Variants in ELAPOR2 observed in about 807,000 individuals in gnomAD.
ELAPOR2 encodes the protein endosome-lysosome associated apoptosis and autophagy regulator family member 2.
In ELAPOR2, 89 loss-of-function variants were observed where a neutral mutation model predicts 120.7. The ratio of observed to expected loss-of-function variants is 0.74; its 90% CI spans 0.62 to 0.88. ELAPOR2 has a LOEUF of 0.88. Ranked by LOEUF, ELAPOR2 falls within the 40% of genes least tolerant of loss-of-function variation. The probability of loss-of-function intolerance (pLI) is 0.00; values close to 1 mark genes in which losing one functional copy is unlikely to be tolerated. For missense variants in ELAPOR2, 1,134 were observed against 1,251.6 expected, an observed-to-expected ratio of 0.91 and a Z score of 1.42; for synonymous variants, 444 against 444.9, an observed-to-expected ratio of 1.00 and a Z score of 0.03.
intron 8 of ELAPOR2, among the ~76,000 whole-genome samples, chr7:86,928,461 A>C (rs1040810424): frequency 2.6e-5 from 4 of 151,978 alleles, no homozygotes; most frequent in African/African-American, 9.7e-5. Context: ...GTTATGTGTG[A>C]GCTACTGCAC....
chr7:86,985,276 G>A (rs1301415698), intron 1 of ELAPOR2, among the ~76,000 whole-genome samples: 1 of 152,164 alleles, frequency 6.6e-6, no homozygotes, highest in Admixed American at 6.5e-5. Context: ...AAGAGGAGCT[G>A]GTGCCATTCC....
At chr7:86,930,676 A>G (rs1342712570) in intron 8 of ELAPOR2, among the ~76,000 whole-genome samples, 3 of 151,936 alleles carry the variant, frequency 2.0e-5, no homozygotes, top group Admixed American at 6.6e-5. Flanking sequence ...CCTCCTTCGA[A>G]GAAGGCTCCC....
intron 10 of ELAPOR2, among the ~76,000 whole-genome samples, chr7:86,921,564 G>A (rs1789831489): frequency 6.6e-6 from 1 of 152,070 alleles, no homozygotes; most frequent in Non-Finnish European, 1.5e-5. Flanking sequence ...TCAGACTTCT[G>A]GCCTCTAGAA....
chr7:87,026,956 A>G (rs1183587579), intron 1 of ELAPOR2, among the ~76,000 whole-genome samples: 2 of 152,126 alleles, frequency 1.3e-5, no homozygotes, highest in East Asian at 3.9e-4. Context: ...TCGTACACCT[A>G]GATATACAAA....
intron 1 of ELAPOR2, among the ~76,000 whole-genome samples, chr7:87,002,466 T>C (rs1793348350): frequency 6.6e-6 from 1 of 152,150 alleles, no homozygotes; most frequent in Non-Finnish European, 1.5e-5. Flanking sequence ...TGGCTCCCTC[T>C]ATATGAGTGC....
intron 2 of ELAPOR2, among the ~76,000 whole-genome samples, chr7:86,954,480 A>G (rs944084084): frequency 1.3e-5 from 2 of 152,108 alleles, no homozygotes; most frequent in African/African-American, 4.8e-5. Context: ...TTTATTACTA[A>G]AATATGTTTT....
At chr7:87,023,278 C>A (rs1458476655) in intron 1 of ELAPOR2, among the ~76,000 whole-genome samples, 1 of 152,220 alleles carries the variant, frequency 6.6e-6, no homozygotes, top group African/African-American at 2.4e-5. Flanking sequence ...CAGCTTTCTA[C>A]ATATGGCTAG....
chr7:86,905,720 A>T (rs1436061504), intron 18 of ELAPOR2, among the ~76,000 whole-genome samples: 2 of 152,168 alleles, frequency 1.3e-5, no homozygotes, highest in African/African-American at 4.8e-5. Context: ...TGTGGTTTTT[A>T]AAAATGTTCC....
intron 1 of ELAPOR2, among the ~76,000 whole-genome samples, chr7:86,993,019 C>A (rs748641531): frequency 6.6e-6 from 1 of 151,876 alleles, no homozygotes; most frequent in Admixed American, 6.6e-5. Context: ...GGGTGGATCA[C>A]GAGGTCAAGA....
intron 1 of ELAPOR2, among the ~76,000 whole-genome samples, chr7:87,011,548 T>C (rs1793680431): frequency 6.6e-6 from 1 of 152,240 alleles, no homozygotes; most frequent in Admixed American, 6.5e-5. Flanking sequence ...CAGTACAATT[T>C]TTCCGTTTCA....
At chr7:87,026,251 T>C (rs1365763827) in intron 1 of ELAPOR2, among the ~76,000 whole-genome samples, 1 of 152,096 alleles carries the variant, frequency 6.6e-6, no homozygotes, top group Non-Finnish European at 1.5e-5. Context: ...AGCCTGGACA[T>C]AAACCTATCA....
At chr7:87,008,580 A>C (rs1188579875) in intron 1 of ELAPOR2, among the ~76,000 whole-genome samples, 1 of 152,224 alleles carries the variant, frequency 6.6e-6, no homozygotes, top group African/African-American at 2.4e-5. Flanking sequence ...ACTTATTTAG[A>C]GACAAGGTTT....
Position 86,926,904 on chromosome 7 carries a change from A to G in ELAPOR2, c.1102T>C (p.Tyr368His), listed in dbSNP as rs997340391. The G allele has an allele frequency of 2.8e-6, 4 of 1,429,354 alleles. No individual in the cohort carries two copies. The highest frequency in any genetic ancestry group is 2.5e-5 in the Admixed American group (1 of 40,520). 88.5% of individuals were successfully genotyped at this position (1,429,354 alleles called of 1,614,324 possible). The change falls in exon 9 of 22, where the codon TAC (tyrosine) becomes CAC (histidine). Residue 368 changes from tyrosine to histidine, a missense_variant. By Grantham distance (83) the Tyr-to-His change is moderately conservative (BLOSUM62 2). Around this residue, in one of 3 missense-constraint regions of ELAPOR2, gnomAD observed 831 missense variants for 867.6 expected, o/e 0.96. Transcript: ENST00000450689. ...CDEEGKTQIM[Y>H]KWIEPKICRE... ...CAGATTTTGGGCTCTATCCACTTGT[A>G]CATTATCTGTGTCTACAAAAAAAAA...
chr7:86,996,108 A>T (rs142399368), intron 1 of ELAPOR2, among the ~76,000 whole-genome samples: 1 of 152,330 alleles, frequency 6.6e-6, no homozygotes, highest in African/African-American at 2.4e-5. Flanking sequence ...CCTTTGGGAA[A>T]CTTACATCCT....
intron 1 of ELAPOR2, among the ~76,000 whole-genome samples, chr7:86,974,953 T>G (rs1792231961): frequency 6.6e-6 from 1 of 152,176 alleles, no homozygotes; most frequent in Non-Finnish European, 1.5e-5. Flanking sequence ...AGGTCATAAG[T>G]AAGACACAGG....
At chr7:86,958,110 T>C (rs1420387489) in intron 2 of ELAPOR2, among the ~76,000 whole-genome samples, 1 of 152,182 alleles carries the variant, frequency 6.6e-6, no homozygotes, top group Non-Finnish European at 1.5e-5. Context: ...ACTAGCAGTG[T>C]ATTCCAAAGA....
At chr7:86,909,776 A>G in intron 16 of ELAPOR2, 36 bp downstream of exon 16, 1 of 1,491,446 alleles carries the variant, frequency 6.7e-7, no homozygotes, top group Non-Finnish European at 9.1e-7. Flanking sequence ...TTAAGAATAA[A>G]TGTATGCATG....
At chr7:87,041,346 T>G (rs912976406) in intron 1 of ELAPOR2, among the ~76,000 whole-genome samples, 1 of 151,976 alleles carries the variant, frequency 6.6e-6, no homozygotes, top group Admixed American at 6.5e-5. Flanking sequence ...GGAAAAAATG[T>G]TAAGGGCAGC....
chr7:87,043,840 T>C (rs1354084930), intron 1 of ELAPOR2, among the ~76,000 whole-genome samples: 1 of 151,540 alleles, frequency 6.6e-6, no homozygotes, highest in Non-Finnish European at 1.5e-5. Context: ...GCAGACGACA[T>C]GACTGTATAT....
Sources: allele counts gnomAD v4.1 joint callset (sites outside exome capture counted in the v4.1 genomes callset), GRCh38; gene constraint gnomAD v4.1.1; regional missense constraint gnomAD v4.1.1; transcripts MANE v1.5; gene names NCBI Gene and HGNC (gene_info 2026-07-23, HGNC 2026-07-21).